Variants in IMMP2L observed in about 807,000 individuals in gnomAD.
IMMP2L encodes mitochondrial inner membrane protease subunit 2.
Under a neutral mutation model 19.3 loss-of-function variants are expected in IMMP2L, and 18 were observed. The ratio of observed to expected loss-of-function variants is 0.93; its 90% CI spans 0.64 to 1.38. The LOEUF (loss-of-function observed/expected upper bound fraction) is 1.38, where lower values mean the gene tolerates loss of function less well. IMMP2L is among the 40% of genes most tolerant of loss of function. The pLI is 0.00. For missense variants in IMMP2L, 233 were observed against 218.2 expected, an observed-to-expected ratio of 1.07 and a Z score of -0.43; for synonymous variants, 76 against 73.0, an observed-to-expected ratio of 1.04 and a Z score of -0.21.
At chr7:110,813,894 G>T (rs1258547377) in intron 5 of IMMP2L, among the ~76,000 whole-genome samples, 1 of 151,652 alleles carries the variant, frequency 6.6e-6, no homozygotes, top group Non-Finnish European at 1.5e-5. Flanking sequence ...TACACCAAAA[G>T]GAAAGAAATT....
chr7:111,296,592 C>A (rs563714020), intron 3 of IMMP2L, among the ~76,000 whole-genome samples: 1 of 151,580 alleles, frequency 6.6e-6, no homozygotes, highest in Admixed American at 6.6e-5. Flanking sequence ...ATGGTACAGC[C>A]ACCCCAGAGA....
chr7:111,273,178 G>A (rs1472709160), intron 3 of IMMP2L, among the ~76,000 whole-genome samples: 1 of 152,032 alleles, frequency 6.6e-6, no homozygotes, highest in Non-Finnish European at 1.5e-5. Flanking sequence ...TTGGGAGGCT[G>A]AGGCAGGGGA....
At chr7:111,124,332 T>A (rs767300590) in intron 3 of IMMP2L, 1 of 1,613,784 alleles carries the variant, frequency 6.2e-7, no homozygotes. Context: ...TTCCACAAGA[T>A]AACAATGGCT....
chr7:111,095,629 T>A (rs547893511), intron 3 of IMMP2L, among the ~76,000 whole-genome samples: 14 of 152,094 alleles, frequency 9.2e-5, no homozygotes, highest in Non-Finnish European at 1.9e-4. Context: ...TGCCCTGTTT[T>A]TAAAACATGT....
chr7:111,278,178 C>A (rs1024700044), intron 3 of IMMP2L, among the ~76,000 whole-genome samples: 1 of 152,134 alleles, frequency 6.6e-6, no homozygotes, highest in African/African-American at 2.4e-5. Flanking sequence ...CACCACTACA[C>A]AACACATACA....
chr7:111,060,652 T>C (rs1418720767), intron 3 of IMMP2L, among the ~76,000 whole-genome samples: 1 of 152,244 alleles, frequency 6.6e-6, no homozygotes, highest in African/African-American at 2.4e-5. Flanking sequence ...GATAATTCAG[T>C]ATCCATCTTA....
intron 5 of IMMP2L, among the ~76,000 whole-genome samples, chr7:110,812,579 A>C (rs2131279000): frequency 6.6e-6 from 1 of 152,168 alleles, no homozygotes; most frequent in Admixed American, 6.6e-5. Flanking sequence ...GTTGGTTCTA[A>C]TGAAACCAGG....
intron 5 of IMMP2L, among the ~76,000 whole-genome samples, chr7:110,716,064 GAT>G (rs1459195399): frequency 6.6e-6 from 1 of 151,616 alleles, no homozygotes; most frequent in African/African-American, 2.4e-5. Flanking sequence ...TGTTTTATCT[GAT>G]ACAAGAATAG....
chr7:111,159,474 T>G (rs1409176863), intron 3 of IMMP2L, among the ~76,000 whole-genome samples: 1 of 152,094 alleles, frequency 6.6e-6, no homozygotes, highest in African/African-American at 2.4e-5. Context: ...GTGTTTTGCT[T>G]GAAAAAACAA....
At chr7:111,497,609 G>C (rs1843715074) in intron 2 of IMMP2L, among the ~76,000 whole-genome samples, 1 of 151,988 alleles carries the variant, frequency 6.6e-6, no homozygotes, top group South Asian at 2.1e-4. Context: ...AAGAAAAAAG[G>C]GAAAAACCTT....
At chr7:111,188,571 T>C (rs1808523510) in intron 3 of IMMP2L, among the ~76,000 whole-genome samples, 1 of 152,074 alleles carries the variant, frequency 6.6e-6, no homozygotes, top group South Asian at 2.1e-4. Flanking sequence ...ACATATGAAT[T>C]TGGGGAGTAG....
intron 2 of IMMP2L, among the ~76,000 whole-genome samples, chr7:111,505,850 T>C (rs113637345): frequency 0.02 from 3,041 of 151,930 alleles, 104 homozygotes; most frequent in African/African-American, 0.07. Context: ...GGGATAGCAT[T>C]AGGAGATATA....
intron 3 of IMMP2L, among the ~76,000 whole-genome samples, chr7:110,978,103 A>G (rs142667945): frequency 1.2e-3 from 176 of 152,182 alleles, no homozygotes; most frequent in Middle Eastern, 6.8e-3. Flanking sequence ...CATCCTTGAA[A>G]GAAAGCACAA....
intron 1 of IMMP2L, among the ~76,000 whole-genome samples, chr7:111,556,218 AAG>A (rs1791342593): frequency 6.6e-6 from 1 of 151,444 alleles, no homozygotes; most frequent in Admixed American, 6.6e-5. Flanking sequence ...TGTATAATGA[AAG>A]AGTTTGGGAA....
intron 5 of IMMP2L, among the ~76,000 whole-genome samples, chr7:110,721,632 A>C (rs1795578583): frequency 1.3e-5 from 2 of 152,162 alleles, no homozygotes; most frequent in South Asian, 4.1e-4. Context: ...AGAACATTTC[A>C]GTCTCTTCAA....
intron 3 of IMMP2L, among the ~76,000 whole-genome samples, chr7:111,372,268 T>A (rs970820821): frequency 1.3e-5 from 2 of 151,798 alleles, no homozygotes; most frequent in African/African-American, 4.8e-5. Flanking sequence ...TTACTATATA[T>A]CCACAAAAAT....
At chr7:111,259,372 T>A (rs899764054) in intron 3 of IMMP2L, among the ~76,000 whole-genome samples, 12 of 152,180 alleles carry the variant, frequency 7.9e-5, no homozygotes, top group African/African-American at 2.4e-4. Flanking sequence ...TGGTGGCTCA[T>A]GACTGTAATC....
chr7:111,095,401 A>C (rs1653414787), intron 3 of IMMP2L, among the ~76,000 whole-genome samples: 1 of 151,990 alleles, frequency 6.6e-6, no homozygotes, highest in African/African-American at 2.4e-5. Flanking sequence ...ATGTTTTCTC[A>C]AAAACCTCCT....
intron 2 of IMMP2L, among the ~76,000 whole-genome samples, chr7:111,503,029 G>T (rs1445153859): frequency 6.6e-6 from 1 of 151,868 alleles, no homozygotes; most frequent in African/African-American, 2.4e-5. Flanking sequence ...AATGAATCCA[G>T]GAGCTGGTTT....
Sources: gnomAD v4.1 joint callset for allele counts (sites outside exome capture counted in the v4.1 genomes callset) on GRCh38, gnomAD v4.1.1 for gene constraint, MANE v1.5 for transcripts, NCBI Gene and HGNC (gene_info 2026-07-23, HGNC 2026-07-21) for gene names.